CHST8: variants seen among roughly 807,000 people sequenced by gnomAD.
CHST8 encodes carbohydrate sulfotransferase 8.
CHST8 carries 10 observed loss-of-function variants against 15.0 expected under a neutral mutation model. That is an observed-to-expected ratio of 0.67 (90% confidence interval 0.41 to 1.13). The LOEUF (loss-of-function observed/expected upper bound fraction) is 1.13, where lower values mean the gene tolerates loss of function less well. CHST8 is among the 50% of genes most tolerant of loss of function. The pLI is 0.00. For missense variants in CHST8, 634 were observed against 608.2 expected (o/e 1.04, Z -0.45); for synonymous variants, 259 against 256.6 (o/e 1.01, Z -0.09).
intron 1 of CHST8, among the ~76,000 whole-genome samples, chr19:33,629,960 G>A (rs1972101735): frequency 6.6e-6 from 1 of 152,260 alleles, no homozygotes; most frequent in Non-Finnish European, 1.5e-5. Context: ...TCAGTGGGAA[G>A]CTGACACAGG....
chr19:33,684,829 C>T (rs1315293902), intron 2 of CHST8: 1 of 152,170 alleles, frequency 6.6e-6, no homozygotes, highest in Non-Finnish European at 1.5e-5. Context: ...GCTGCCACCG[C>T]GGCAGAAGGC....
chr19:33,745,990 G>A (rs1016400127), intron 3 of CHST8, among the ~76,000 whole-genome samples: 14 of 152,182 alleles, frequency 9.2e-5, no homozygotes, highest in African/African-American at 3.1e-4. Context: ...TGACTGGGGC[G>A]GAGACAGTTT....
chr19:33,650,501 C>CTTTTCTTT (rs1972424942), intron 1 of CHST8, among the ~76,000 whole-genome samples: 1 of 50,928 alleles, frequency 2.0e-5, no homozygotes, highest in African/African-American at 7.1e-5. Flanking sequence ...TTTTCTTTTT[C>CTTTTCTTT]TTTTTCTTTT....
intron 1 of CHST8, among the ~76,000 whole-genome samples, chr19:33,639,800 CA>C (rs1466820434): frequency 6.6e-6 from 1 of 151,562 alleles, no homozygotes; most frequent in Non-Finnish European, 1.5e-5. Flanking sequence ...ATTCTAAAAT[CA>C]GGGGTCCTGT....
chr19:33,765,624 C>T lies in CHST8; in HGVS notation c.131-5789C>T, dbSNP rs373954702. On this transcript the variant is annotated intron_variant, in intron 3 of 4. Coordinates refer to ENST00000650847, the MANE Select transcript of CHST8 (RefSeq NM_001127895.2). ...GTTGCCAGGTTAGAGTGTAGTGGCG[C>T]GATCTCCGCTCACTGCAACCTCCAC... is the stretch of plus-strand genomic sequence containing the variant. Among the ~76,000 whole-genome samples, 37 of 151,806 alleles carry T rather than the reference C, an allele frequency of 2.4e-4. 1 individual carries two copies. Among genetic ancestry groups the T allele is most frequent in the African/African-American group, 8.0e-4 (33 of 41,366 alleles).
intron 3 of CHST8, among the ~76,000 whole-genome samples, chr19:33,750,410 G>A (rs1238629826): frequency 6.6e-6 from 1 of 152,178 alleles, no homozygotes; most frequent in Non-Finnish European, 1.5e-5. Flanking sequence ...CCCAGGGCCT[G>A]GATCTGAGAG....
chr19:33,765,265 G>T (rs908962988), intron 3 of CHST8, among the ~76,000 whole-genome samples: 14 of 152,024 alleles, frequency 9.2e-5, no homozygotes, highest in East Asian at 5.8e-4. Flanking sequence ...AAAGCTGGAA[G>T]AGTCGAGGAA....
At chr19:33,622,827 C>A (rs1482146211) in intron 1 of CHST8, among the ~76,000 whole-genome samples, 1 of 151,770 alleles carries the variant, frequency 6.6e-6, no homozygotes, top group Non-Finnish European at 1.5e-5. Context: ...CCGCAACTCT[C>A]CAGGGCACCG....
intron 1 of CHST8, among the ~76,000 whole-genome samples, chr19:33,623,166 C>T (rs55993669): frequency 0.43 from 65,243 of 151,996 alleles, 14,802 homozygotes; most frequent in Middle Eastern, 0.61. Context: ...TCGCGTACAT[C>T]TTGTCTCCAG....
chr19:33,635,948 T>C (rs1972190837), intron 1 of CHST8, among the ~76,000 whole-genome samples: 1 of 152,058 alleles, frequency 6.6e-6, no homozygotes, highest in Non-Finnish European at 1.5e-5. Context: ...CACACATTGT[T>C]TATGCGATGT....
intron 1 of CHST8, among the ~76,000 whole-genome samples, chr19:33,662,384 G>T (rs1263135956): frequency 6.6e-6 from 1 of 152,164 alleles, no homozygotes; most frequent in Admixed American, 6.5e-5. Context: ...AGCTTGAAAG[G>T]ACAATTTCGT....
At chr19:33,639,086 CAAAAAAAAAAAAA>C (rs34970478) in intron 1 of CHST8, among the ~76,000 whole-genome samples, 8 of 64,664 alleles carry the variant, frequency 1.2e-4, no homozygotes, top group Non-Finnish European at 2.0e-4. Flanking sequence ...TGATCCTGAC[CAAAAAAAAAAAAA>C]AAAAAAAAAA....
At chr19:33,755,835 C>T (rs77717234) in intron 3 of CHST8, among the ~76,000 whole-genome samples, 1,533 of 152,322 alleles carry the variant, frequency 0.01, 23 homozygotes, top group African/African-American at 0.035. Flanking sequence ...TGACCCCAGA[C>T]GCCCTACCAA....
At chr19:33,714,321 T>TAA (rs112203123) in intron 3 of CHST8, among the ~76,000 whole-genome samples, 9 of 151,928 alleles carry the variant, frequency 5.9e-5, no homozygotes, top group Non-Finnish European at 1.3e-4. Context: ...TATGCAGCCA[T>TAA]AAAAAAAGAA....
chr19:33,659,183 A>G lies in CHST8; in HGVS notation c.-163-8584A>G, dbSNP rs549147503. ...CGGGTTCAAGCGATTCTCCTGCCTCAGCCTCCCGAGTAGCTGGGATTACAG... is the reference window on the plus strand; with the variant it reads ...CGGGTTCAAGCGATTCTCCTGCCTCGGCCTCCCGAGTAGCTGGGATTACAG... On this transcript the variant is annotated intron_variant, in intron 1 of 4. Transcript: ENST00000650847. Among the ~76,000 whole-genome samples the G allele has an allele frequency of 2.0e-5, 3 of 147,650 alleles. No homozygotes were observed. The East Asian group carries it at 6.1e-4, about 30-fold the overall frequency.
rs1179899032 is a variant in CHST8 at position 33,684,356 on chromosome 19, TG to T, written c.-86-4817del. Reference sequence around the variant, plus strand: ...AGTAGCGTGCCGCCCGGCAGGGGCCTGGGTGTGCCAAGGCCCGGCTCTGGGG... The same window carrying T: ...AGTAGCGTGCCGCCCGGCAGGGGCCTGGTGTGCCAAGGCCCGGCTCTGGGG... On this transcript the variant is annotated intron_variant, in intron 2 of 4. Coordinates refer to ENST00000650847, the MANE Select transcript of CHST8 (RefSeq NM_001127895.2). 2.0e-5 allele frequency among the ~76,000 whole-genome samples: 3 copies of T among 152,300 alleles called. No individual in the cohort carries two copies. In the East Asian group the frequency reaches 5.8e-4, roughly 29 times the overall value.
chr19:33,692,603 GA>G (rs2145262563), intron 3 of CHST8, among the ~76,000 whole-genome samples: 1 of 152,298 alleles, frequency 6.6e-6, no homozygotes, highest in South Asian at 2.1e-4. Flanking sequence ...TTAGGAAGCT[GA>G]GGTGGGAGGA....
At chr19:33,624,180 G>T (rs1261281843) in intron 1 of CHST8, among the ~76,000 whole-genome samples, 3 of 152,234 alleles carry the variant, frequency 2.0e-5, no homozygotes, top group Non-Finnish European at 4.4e-5. Context: ...AAAAGTCAAG[G>T]CTTTCTTAAA....
At position 33,740,981 on chromosome 19, in the gene CHST8, T is replaced by C. The variant is rs182703429; in HGVS notation, c.131-30432T>C. On this transcript the variant is annotated intron_variant, in intron 3 of 4. Transcript: ENST00000650847. ...CTGGAGCTAAACCCTTAGAGCGGGG[T>C]ATCATTGGGAGCTGTCCGTGGTTCT... Among the ~76,000 whole-genome samples the C allele has an allele frequency of 1.1e-4, 17 of 152,164 alleles. No individual in the cohort carries two copies. In the East Asian group the frequency reaches 3.3e-3, roughly 29 times the overall value.
Sources: gnomAD v4.1 joint callset for allele counts (sites outside exome capture counted in the v4.1 genomes callset) on GRCh38, gnomAD v4.1.1 for gene constraint, MANE v1.5 for transcripts, NCBI Gene and HGNC (gene_info 2026-07-23, HGNC 2026-07-21) for gene names.